The following GRIK2 variants were observed in gnomAD, a reference collection of about 807,000 sequenced individuals.
The protein encoded by GRIK2 is glutamate ionotropic receptor kainate type subunit 2.
GRIK2 carries 32 observed loss-of-function variants against 100.3 expected under a neutral mutation model. The observed-to-expected ratio is 0.32, with a 90% CI of 0.24 to 0.43. GRIK2 has a LOEUF of 0.43. Ranked by LOEUF, GRIK2 falls within the 20% of genes least tolerant of loss-of-function variation. The pLI, the probability that GRIK2 is intolerant of heterozygous loss-of-function variation, is 1.00. For synonymous variants in GRIK2, 417 were observed against 389.4 expected (o/e 1.07, Z -0.83); for missense variants, 843 against 1,114.9 (o/e 0.76, Z 3.47).
At chr6:101,434,016 A>T (rs1055093936) in intron 2 of GRIK2, among the ~76,000 whole-genome samples, 1 of 152,238 alleles carries the variant, frequency 6.6e-6, no homozygotes, top group Non-Finnish European at 1.5e-5. Flanking sequence ...GGTGGCCCCA[A>T]ATTTTACTGT....
chr6:101,779,223 A>G (rs1213417209), intron 7 of GRIK2, among the ~76,000 whole-genome samples: 2 of 152,148 alleles, frequency 1.3e-5, no homozygotes, highest in Admixed American at 6.5e-5. Flanking sequence ...ATGGAATAGT[A>G]CTGAGTGACT....
intron 2 of GRIK2, among the ~76,000 whole-genome samples, chr6:101,466,550 A>G (rs1771654827): frequency 6.6e-6 from 1 of 151,992 alleles, no homozygotes; most frequent in Admixed American, 6.6e-5. Context: ...CTACTTCGAA[A>G]TATTAACAAC....
chr6:101,672,033 G>C (rs151216096), intron 4 of GRIK2, among the ~76,000 whole-genome samples: 1 of 152,062 alleles, frequency 6.6e-6, no homozygotes, highest in East Asian at 1.9e-4. Flanking sequence ...ACTGATGATC[G>C]ATTAGAGAGG....
chr6:101,695,459 G>GT (rs1772415057), intron 7 of GRIK2, among the ~76,000 whole-genome samples: 2 of 152,062 alleles, frequency 1.3e-5, no homozygotes, highest in African/African-American at 4.8e-5. Flanking sequence ...TCAAACCATA[G>GT]CACGCACTTT....
intron 14 of GRIK2, among the ~76,000 whole-genome samples, chr6:101,975,189 A>G (rs9498779): frequency 0.016 from 2,474 of 151,958 alleles, 73 homozygotes; most frequent in African/African-American, 0.058. Flanking sequence ...ACTTTGAAAT[A>G]CCTATGAGCC....
At chr6:101,782,936 A>G (rs1263416523) in intron 7 of GRIK2, among the ~76,000 whole-genome samples, 1 of 149,228 alleles carries the variant, frequency 6.7e-6, no homozygotes, top group African/African-American at 2.5e-5. Context: ...AGCTCACTGC[A>G]AGCTCCGCCT....
chr6:102,054,713 C>T lies in GRIK2; in HGVS notation c.2312-617C>T, dbSNP rs138671298. On this transcript the variant is annotated intron_variant, in intron 15 of 16. Coordinates refer to ENST00000369134, the MANE Select transcript of GRIK2 (RefSeq NM_021956.5). Reference sequence around the variant, plus strand: ...AACAACGCCCCAAATGTTTACAATACGTGGCTGTATGCCCCTTGATTTATA... The same window carrying T: ...AACAACGCCCCAAATGTTTACAATATGTGGCTGTATGCCCCTTGATTTATA... Among the ~76,000 whole-genome samples the T allele has an allele frequency of 3.6e-3, 543 of 152,200 alleles. 2 individuals are homozygous for T. The highest frequency in any genetic ancestry group is 0.012 in the African/African-American group (504 of 41,546).
At chr6:102,042,093 T>C (rs1770616250) in intron 15 of GRIK2, among the ~76,000 whole-genome samples, 1 of 151,730 alleles carries the variant, frequency 6.6e-6, no homozygotes, top group South Asian at 2.1e-4. Context: ...AAAATTCCTA[T>C]CATAAGGCAT....
intron 10 of GRIK2, among the ~76,000 whole-genome samples, chr6:101,821,852 T>C (rs1311817849): frequency 6.6e-6 from 1 of 152,098 alleles, no homozygotes; most frequent in African/African-American, 2.4e-5. Flanking sequence ...TCTTGAAATA[T>C]CTTAGAGGAA....
intron 10 of GRIK2, among the ~76,000 whole-genome samples, chr6:101,847,345 T>TA (rs930263976): frequency 1.5e-4 from 23 of 152,290 alleles, no homozygotes; most frequent in African/African-American, 3.6e-4. Context: ...TTTTTTTGGT[T>TA]AAAAAATGGG....
chr6:101,694,169 T>A (rs1300235939), intron 7 of GRIK2, among the ~76,000 whole-genome samples: 1 of 152,044 alleles, frequency 6.6e-6, no homozygotes, highest in Non-Finnish European at 1.5e-5. Context: ...AAGCAATGAA[T>A]GTGACCTTGA....
At chr6:102,035,641 C>A (rs1770228979) in intron 15 of GRIK2, 75 bp downstream of exon 15, 2 of 769,724 alleles carry the variant, frequency 2.6e-6, no homozygotes, top group South Asian at 1.8e-5. Context: ...AATAGTGTGT[C>A]CACGTATGCC....
intron 2 of GRIK2, among the ~76,000 whole-genome samples, chr6:101,412,470 G>A (rs1775929694): frequency 1.3e-5 from 2 of 151,922 alleles, no homozygotes; most frequent in Admixed American, 1.3e-4. Flanking sequence ...TTATAGGTTG[G>A]ATAGAGATTC....
intron 4 of GRIK2, among the ~76,000 whole-genome samples, chr6:101,635,277 C>A (rs569899652): frequency 6.6e-6 from 1 of 152,200 alleles, no homozygotes; most frequent in Non-Finnish European, 1.5e-5. Context: ...AGTATTTCCA[C>A]ACAGTTGGTT....
chr6:101,782,949 C>T (rs955451868), intron 7 of GRIK2, among the ~76,000 whole-genome samples: 18 of 151,372 alleles, frequency 1.2e-4, no homozygotes, highest in Admixed American at 3.9e-4. Context: ...CTCCGCCTCC[C>T]GGGTTCACAC....
At chr6:101,611,856 CT>C (rs1367119621) in intron 2 of GRIK2, among the ~76,000 whole-genome samples, 1 of 151,760 alleles carries the variant, frequency 6.6e-6, no homozygotes, top group Admixed American at 6.6e-5. Context: ...TTTGTTTTCA[CT>C]TTTTAACCAG....
intron 2 of GRIK2, chr6:101,430,913 C>A: frequency 2.9e-6 from 1 of 341,096 alleles, no homozygotes; most frequent in Non-Finnish European, 6.0e-6. Context: ...ATGTGAGGAT[C>A]TTCATGAGGT....
intron 7 of GRIK2, among the ~76,000 whole-genome samples, chr6:101,719,138 GTT>G (rs60301711): frequency 4.0e-5 from 4 of 101,170 alleles, no homozygotes; most frequent in African/African-American, 1.5e-4. Context: ...GGCTGCAAGG[GTT>G]TTTTTTTTTT....
At chr6:101,624,903 T>C (rs962655633) in intron 3 of GRIK2, among the ~76,000 whole-genome samples, 1 of 152,112 alleles carries the variant, frequency 6.6e-6, no homozygotes, top group African/African-American at 2.4e-5. Flanking sequence ...AGCTGAATTT[T>C]TTTTTGTTTC....
Sources: gnomAD v4.1 joint callset for allele counts (sites outside exome capture counted in the v4.1 genomes callset) on GRCh38, gnomAD v4.1.1 for gene constraint, MANE v1.5 for transcripts, NCBI Gene and HGNC (gene_info 2026-07-23, HGNC 2026-07-21) for gene names.